The following ACACA variants were observed in gnomAD, a reference collection of about 807,000 sequenced individuals.
ACACA encodes acetyl-CoA carboxylase alpha.
In ACACA, 103 loss-of-function variants were observed where a neutral mutation model predicts 296.1. The ratio of observed to expected loss-of-function variants is 0.35; its 90% CI spans 0.30 to 0.41. The LOEUF (loss-of-function observed/expected upper bound fraction) is 0.41, where lower values mean the gene tolerates loss of function less well. ACACA is among the 10% of genes least tolerant of loss of function. The pLI, the probability that ACACA is intolerant of heterozygous loss-of-function variation, is 1.00. For missense variants in ACACA, 1,554 were observed against 2,989.7 expected, an observed-to-expected ratio of 0.52 and a Z score of 11.20; for synonymous variants, 953 against 1,038.6, an observed-to-expected ratio of 0.92 and a Z score of 1.58.
intron 1 of ACACA, among the ~76,000 whole-genome samples, chr17:37,355,555 C>CA (rs1323312123): frequency 6.7e-6 from 1 of 149,990 alleles, no homozygotes; most frequent in Non-Finnish European, 1.5e-5. Flanking sequence ...GACTCTGTCT[C>CA]AAAAAAATAA....
chr17:37,150,101 T>C (rs972975664), intron 44 of ACACA, 127 bp from the exon 45 acceptor site: 1 of 818,414 alleles, frequency 1.2e-6, no homozygotes. Context: ...GTCTATTTGA[T>C]TGACAACAAC....
At chr17:37,279,493 G>A (rs994777223) in intron 5 of ACACA, among the ~76,000 whole-genome samples, 2 of 152,016 alleles carry the variant, frequency 1.3e-5, no homozygotes, top group Non-Finnish European at 2.9e-5. Context: ...AATTAGCCGG[G>A]GATGGTGGCA....
At chr17:37,358,616 G>A (rs982085019) in intron 1 of ACACA, among the ~76,000 whole-genome samples, 3 of 152,150 alleles carry the variant, frequency 2.0e-5, no homozygotes, top group African/African-American at 7.2e-5. Context: ...TCCCTCTCCC[G>A]AGCCCAGAAT....
At chr17:37,340,231 G>A (rs537208607) in intron 1 of ACACA, among the ~76,000 whole-genome samples, 4 of 152,320 alleles carry the variant, frequency 2.6e-5, no homozygotes, top group African/African-American at 9.6e-5. Flanking sequence ...CTCTGATTAT[G>A]TTTACAAGCG....
intron 50 of ACACA, among the ~76,000 whole-genome samples, chr17:37,114,531 T>TA (rs60963286): frequency 0.034 from 4,173 of 122,746 alleles, 89 homozygotes; most frequent in Middle Eastern, 0.051. Flanking sequence ...GCCCTGCCTT[T>TA]AAAAAAAAAA....
chr17:37,185,848 C>A (rs184471950), intron 39 of ACACA, among the ~76,000 whole-genome samples: 5 of 152,146 alleles, frequency 3.3e-5, no homozygotes, highest in Admixed American at 6.5e-5. Context: ...GGATTACAGG[C>A]GTGAGTCACT....
At chr17:37,159,643 A>G (rs1264373231) in intron 42 of ACACA, among the ~76,000 whole-genome samples, 3 of 152,214 alleles carry the variant, frequency 2.0e-5, no homozygotes, top group African/African-American at 7.2e-5. Context: ...CCATACTTTA[A>G]TAAAGTTTTT....
intron 45 of ACACA, among the ~76,000 whole-genome samples, chr17:37,138,275 T>C (rs1374748629): frequency 6.6e-6 from 1 of 152,224 alleles, no homozygotes; most frequent in Non-Finnish European, 1.5e-5. Flanking sequence ...TTCCCTAGAA[T>C]GATGAACAGC....
At chr17:37,362,113 C>T (rs149346649) in intron 1 of ACACA, among the ~76,000 whole-genome samples, 100 of 152,230 alleles carry the variant, frequency 6.6e-4, no homozygotes, top group African/African-American at 2.3e-3. Flanking sequence ...CATGCATGGC[C>T]ATGTACAAAC....
chr17:37,098,508 CTCCTAAAG>C (rs2073128571), intron 52 of ACACA, among the ~76,000 whole-genome samples: 1 of 152,240 alleles, frequency 6.6e-6, no homozygotes, highest in Non-Finnish European at 1.5e-5. Context: ...ACCTGAATAA[CTCCTAAAG>C]TTACAAGCCA....
intron 2 of ACACA, among the ~76,000 whole-genome samples, chr17:37,331,721 T>C (rs2047894691): frequency 6.6e-6 from 1 of 151,980 alleles, no homozygotes; most frequent in Admixed American, 6.6e-5. Context: ...TTTAAATATT[T>C]TGTAGAAATG....
chr17:37,143,716 C>A lies in ACACA; in HGVS notation c.5679+6148G>T, dbSNP rs994980596. 6 of 910,892 alleles carry A rather than the reference C, an allele frequency of 6.6e-6. No individual in the cohort carries two copies. The African/African-American group carries it at 8.2e-5, about 12-fold the overall frequency. 56.4% of individuals were successfully genotyped at this position (910,892 alleles called of 1,614,324 possible). ...CATCATCTTCTTCATCTTCCTCCTCCTCATCCTCTTCATCTTCCTCATCTT... is the reference window on the plus strand; with the variant it reads ...CATCATCTTCTTCATCTTCCTCCTCATCATCCTCTTCATCTTCCTCATCTT... On this transcript the variant is annotated intron_variant, in intron 45 of 55. Coordinates refer to ENST00000616317, the MANE Select transcript of ACACA (RefSeq NM_198834.3).
At chr17:37,190,367 T>A in intron 38 of ACACA, among the ~76,000 whole-genome samples, 1 of 151,202 alleles carries the variant, frequency 6.6e-6, no homozygotes, top group South Asian at 2.1e-4. Context: ...GAGGTGGAGG[T>A]TGCAATGAGC....
intron 39 of ACACA, among the ~76,000 whole-genome samples, chr17:37,185,192 C>G (rs1009182403): frequency 2.6e-5 from 4 of 152,078 alleles, no homozygotes; most frequent in Admixed American, 2.0e-4. Context: ...ACACACAAAA[C>G]GAGTCCATTT....
At chr17:37,213,916 C>T (rs1169253373) in intron 29 of ACACA, among the ~76,000 whole-genome samples, 1 of 152,008 alleles carries the variant, frequency 6.6e-6, no homozygotes, top group Non-Finnish European at 1.5e-5. Flanking sequence ...TTTCATTTGG[C>T]TTGATTCTAG....
At chr17:37,264,172 T>C (rs2081639724) in intron 10 of ACACA, among the ~76,000 whole-genome samples, 1 of 152,176 alleles carries the variant, frequency 6.6e-6, no homozygotes, top group African/African-American at 2.4e-5. Flanking sequence ...TTTGAAAACA[T>C]AGGCACATAC....
chr17:37,254,862 T>C (rs1261411589), intron 14 of ACACA, among the ~76,000 whole-genome samples: 8 of 142,206 alleles, frequency 5.6e-5, no homozygotes, highest in African/African-American at 1.8e-4. Flanking sequence ...GGGCACTCCA[T>C]GTCAGAAAAA....
chr17:37,167,119 A>ATTT (rs11290127), intron 41 of ACACA, among the ~76,000 whole-genome samples: 3,331 of 101,210 alleles, frequency 0.033, 97 homozygotes, highest in African/African-American at 0.053. Context: ...TAATTTTTGC[A>ATTT]TTTTTTTTTT....
chr17:37,085,624 T>C lies in ACACA; in HGVS notation c.*1692A>G. 1 of 399,208 alleles carries C rather than the reference T, an allele frequency of 2.5e-6. No homozygotes were observed. The highest frequency in any genetic ancestry group is 4.4e-6 in the Non-Finnish European group (1 of 226,202). 24.7% of individuals were successfully genotyped at this position (399,208 alleles called of 1,614,324 possible). A position where few individuals can be genotyped will look rare whatever the true frequency, so the allele number is the denominator to read the frequency against. On this transcript the variant is annotated 3_prime_UTR_variant, in exon 56 of 56. Transcript: ENST00000616317. ...CCCTTTTCTGAAGGTGCTGAACACC[T>C]GTACCTTCCACCAGGGCAGCCGGGC...
Sources: gnomAD v4.1 joint callset for allele counts (sites outside exome capture counted in the v4.1 genomes callset) on GRCh38, gnomAD v4.1.1 for gene constraint, MANE v1.5 for transcripts, NCBI Gene and HGNC (gene_info 2026-07-23, HGNC 2026-07-21) for gene names.